The following F5 variants were observed in gnomAD, a reference collection of about 807,000 sequenced individuals.
The protein encoded by F5 is coagulation factor V.
A neutral mutation model predicts 216.4 loss-of-function variants in F5; 138 were observed. The observed-to-expected ratio is 0.64, with a 90% CI of 0.56 to 0.73. The LOEUF is 0.73. Among genes scored for constraint, F5 ranks in the 30% least tolerant of loss-of-function variants. The pLI is 0.00. For synonymous variants in F5, 916 were observed against 930.7 expected (o/e 0.98, Z 0.29); for missense variants, 2,403 against 2,674.0 (o/e 0.90, Z 2.24).
At chr1:169,572,175 G>T in intron 3 of F5, 46 bp downstream of exon 3, 1 of 1,584,356 alleles carries the variant, frequency 6.3e-7, no homozygotes, top group South Asian at 1.1e-5. Flanking sequence ...TGGTATTAAA[G>T]ACTTAGACAT....
chr1:169,548,873 GAA>G (rs375498661), intron 10 of F5, among the ~76,000 whole-genome samples: 32 of 104,614 alleles, frequency 3.1e-4, no homozygotes, highest in South Asian at 1.1e-3. Context: ...TGTCTCAAAA[GAA>G]AAAAAAAAAA....
Position 169,573,334 on chromosome 1 carries a change from A to C in F5, c.251-991T>G, listed in dbSNP as rs570599398. Reference sequence around the variant, plus strand: ...ATAACGTGTATTAAAAGTTCATCCTAAAACAAAAAGTTCATCATAGCTGCT... The same window carrying C: ...ATAACGTGTATTAAAAGTTCATCCTCAAACAAAAAGTTCATCATAGCTGCT... On this transcript the variant is annotated intron_variant, in intron 2 of 24. Transcript: ENST00000367797. 2.6e-5 allele frequency among the ~76,000 whole-genome samples: 4 copies of C among 152,330 alleles called. No individual in the cohort carries two copies. In the South Asian group the frequency reaches 8.3e-4, roughly 32 times the overall value.
At chr1:169,565,939 T>G (rs907095974) in intron 3 of F5, among the ~76,000 whole-genome samples, 2 of 152,066 alleles carry the variant, frequency 1.3e-5, no homozygotes, top group Non-Finnish European at 2.9e-5. Context: ...GATAAAAGCT[T>G]AAGTCACTTC....
At chr1:169,550,515 G>A in intron 9 of F5, 125 bp downstream of exon 9, 1 of 751,868 alleles carries the variant, frequency 1.3e-6, no homozygotes, top group Non-Finnish European at 2.4e-6. Context: ...GTGATTTTTA[G>A]GATACTCCTA....
In F5 at chr1:169,586,366, G is replaced by C; in HGVS notation, c.21C>G (p.Arg7=). MFPGCP[R]LWVLVVLGTS... ...TGCCCAAGACCACCAGGACCCAGAG[G>C]CGTGGGCAGCCTGGGAACATGCTTC... Residue 7 remains arginine (R), a synonymous_variant, in exon 1 of 25, where the codon CGC becomes CGG. Transcript: ENST00000367797. 1.2e-6 allele frequency: 2 copies of C among 1,613,704 alleles called. No individual in the cohort carries two copies. The highest frequency in any genetic ancestry group is 2.2e-5 in the East Asian group (1 of 44,870).
intron 4 of F5, among the ~76,000 whole-genome samples, 167 bp from the exon 5 acceptor site, chr1:169,559,463 G>T (rs1049166560): frequency 1.3e-5 from 2 of 152,100 alleles, no homozygotes; most frequent in Admixed American, 6.5e-5. Context: ...TGGTTCTAGG[G>T]TTATTTAAAA....
Position 169,529,661 on chromosome 1 carries a change from C to T in F5, c.5366G>A (p.Arg1789Gln), listed in dbSNP as rs756202861. ...TGAGGATGTGAGTCTCCAAGAACTT[C>T]GGGACTTCTTTTCATAGTACCAGCT... is the stretch of plus-strand genomic sequence containing the variant. ...KKSWYYEKKS[R>Q]SSWRLTSSEM... The change falls in exon 16 of 25, where the codon CGA becomes CAA. Residue 1789 changes from arginine (R) to glutamine (Q), a missense_variant. Physicochemically the swap from Arg to Gln is conservative, Grantham distance 43. Coordinates refer to ENST00000367797, the MANE Select transcript of F5 (RefSeq NM_000130.5). 11 of 1,613,688 alleles carry T rather than the reference C, an allele frequency of 6.8e-6. No homozygotes were observed. Among genetic ancestry groups the T allele is most frequent in the Admixed American group, 1.7e-5 (1 of 59,978 alleles).
At position 169,513,782 on chromosome 1, in the gene F5, G is replaced by A. The variant is rs1041256521; in HGVS notation, c.*531C>T. Among the ~76,000 whole-genome samples the A allele has an allele frequency of 2.6e-5, 4 of 152,046 alleles. No homozygotes were observed. Among genetic ancestry groups the A allele is most frequent in the African/African-American group, 9.7e-5 (4 of 41,396 alleles). On this transcript the variant is annotated 3_prime_UTR_variant, in exon 25 of 25. Coordinates refer to ENST00000367797, the MANE Select transcript of F5 (RefSeq NM_000130.5). The stretch of plus-strand genomic sequence containing the variant: ...CAATGGGGCTACTGGAAAGATGCTT[G>A]GCTGTTTTTTTACTCATGGAAAGTC...
chr1:169,543,453 C>G (rs1659920594), intron 12 of F5, among the ~76,000 whole-genome samples: 1 of 152,114 alleles, frequency 6.6e-6, no homozygotes, highest in Non-Finnish European at 1.5e-5. Flanking sequence ...GGTCTTTCAG[C>G]ACAGATAGTT....
At chr1:169,561,605 A>T (rs1660489410) in intron 3 of F5, among the ~76,000 whole-genome samples, 1 of 152,142 alleles carries the variant, frequency 6.6e-6, no homozygotes, top group Non-Finnish European at 1.5e-5. Flanking sequence ...TAGAGAGCCA[A>T]GTGGAATGAA....
At chr1:169,536,316 G>C (rs915139345) in intron 14 of F5, among the ~76,000 whole-genome samples, 190 bp downstream of exon 14, 10 of 140,602 alleles carry the variant, frequency 7.1e-5, no homozygotes, top group South Asian at 2.3e-4. Flanking sequence ...TAAAAAATGA[G>C]ATCTTTTTTT....
At chr1:169,517,687 A>T (rs1487352964) in intron 23 of F5, among the ~76,000 whole-genome samples, 3 of 152,166 alleles carry the variant, frequency 2.0e-5, no homozygotes, top group Non-Finnish European at 4.4e-5. Context: ...TATCAGGGAC[A>T]GTATAACTCT....
chr1:169,568,695 C>G (rs539084109), intron 3 of F5, among the ~76,000 whole-genome samples: 1 of 152,224 alleles, frequency 6.6e-6, no homozygotes, highest in South Asian at 2.1e-4. Flanking sequence ...CTGTTCATTT[C>G]CTGCTCAGTC....
In F5 at chr1:169,560,783, C is replaced by G; in HGVS notation, c.374-17G>C. 1 of 1,610,286 alleles carries G rather than the reference C, an allele frequency of 6.2e-7. No homozygotes were observed. Among genetic ancestry groups the G allele is most frequent in the African/African-American group, 1.3e-5 (1 of 74,840 alleles). On this transcript the variant is annotated splice_polypyrimidine_tract_variant and intron_variant, in intron 3 of 24. Transcript: ENST00000367797. Reference sequence around the variant, plus strand: ...AAGAAGCACCTGGAGGAGTAACAGCCATCAAGACATGTGGGCAGTTTCTGA... The same window carrying G: ...AAGAAGCACCTGGAGGAGTAACAGCGATCAAGACATGTGGGCAGTTTCTGA...
At chr1:169,529,566 G>T in intron 16 of F5, 42 bp downstream of exon 16, 1 of 1,525,914 alleles carries the variant, frequency 6.6e-7, no homozygotes, top group Non-Finnish European at 9.1e-7. Flanking sequence ...GTGACCCAGT[G>T]TGATTTAATT....
intron 4 of F5, among the ~76,000 whole-genome samples, 159 bp downstream of exon 4, chr1:169,560,395 T>C (rs1490388581): frequency 1.3e-5 from 2 of 152,038 alleles, no homozygotes; most frequent in Admixed American, 6.6e-5. Flanking sequence ...AAATAGCAGG[T>C]GTTTTTTTCT....
chr1:169,581,953 C>T (rs1048752316), intron 2 of F5, among the ~76,000 whole-genome samples: 8 of 152,152 alleles, frequency 5.3e-5, no homozygotes, highest in African/African-American at 1.7e-4. Context: ...CATCTATGCT[C>T]ATTAAACTAG....
Position 169,540,409 on chromosome 1 carries a change from A to G in F5, c.4681T>C (p.Ser1561Pro). ...GCTGCAATGTTGTCAGGATCTCTGG[A>G]GGAGTTGATGTTTGTCCTAACATCA... ...KTDVRTNINS[S>P]RDPDNIAAWY... The change falls in exon 13 of 25, where the codon TCC (serine) becomes CCC (proline). Residue 1561 changes from serine to proline, a missense_variant. Ser to Pro is a moderately conservative substitution (Grantham distance 74). Transcript: ENST00000367797. 6.2e-7 allele frequency: 1 copy of G among 1,613,966 alleles called. No individual in the cohort carries two copies. Among genetic ancestry groups the G allele is most frequent in the Non-Finnish European group, 8.5e-7 (1 of 1,179,922 alleles).
chr1:169,566,612 GA>G (rs34859178), intron 3 of F5, among the ~76,000 whole-genome samples: 41,460 of 151,792 alleles, frequency 0.27, 6,014 homozygotes, highest in South Asian at 0.36. Context: ...GGTCAGAGTT[GA>G]AAATATCTTG....
Sources: gnomAD v4.1 joint callset for allele counts (sites outside exome capture counted in the v4.1 genomes callset) on GRCh38, gnomAD v4.1.1 for gene constraint, MANE v1.5 for transcripts, NCBI Gene and HGNC (gene_info 2026-07-23, HGNC 2026-07-21) for gene names.